Variants in SPAG6 observed in about 807,000 individuals in gnomAD.
SPAG6 encodes the protein sperm associated antigen 6, also known as sperm-associated antigen 6.
In SPAG6, 49 loss-of-function variants were observed where a neutral mutation model predicts 58.5. That is an observed-to-expected ratio of 0.84 (90% CI 0.67 to 1.06). The LOEUF is 1.06. SPAG6 is among the 50% of genes least tolerant of loss of function. The pLI is 0.00. For synonymous variants in SPAG6, 233 were observed against 225.6 expected (o/e 1.03, Z -0.29); for missense variants, 560 against 611.3 (o/e 0.92, Z 0.89).
chr10:22,345,928 A>T lies in SPAG6; in HGVS notation c.121+110A>T. ...TGGGGAGCCGCAGTGTGGGGACCGG[A>T]GTTCGCAAAAGCATCCATTCTTTTC... On this transcript the variant is annotated intron_variant, in intron 2 of 10. Transcript: ENST00000376624. This position sits in a 1 kb window ranked among gnomAD's most constrained non-coding sequence, Gnocchi z 6.3. 1 of 1,566,450 alleles carries T rather than the reference A, an allele frequency of 6.4e-7. No individual in the cohort carries two copies. The highest frequency in any genetic ancestry group is 8.6e-7 in the Non-Finnish European group (1 of 1,156,088).
intron 9 of SPAG6, among the ~76,000 whole-genome samples, chr10:22,403,986 G>A (rs1414088817): frequency 6.8e-6 from 1 of 148,136 alleles, no homozygotes; most frequent in Non-Finnish European, 1.5e-5. Context: ...GGGGTTGTTT[G>A]TTTTTTTCTT....
intron 8 of SPAG6, among the ~76,000 whole-genome samples, chr10:22,393,238 C>T (rs1377662842): frequency 6.6e-6 from 1 of 151,970 alleles, no homozygotes; most frequent in Non-Finnish European, 1.5e-5. Context: ...TTGTTTTTCT[C>T]CTCCTCCTTT....
In SPAG6 at chr10:22,364,913, C is replaced by A; in HGVS notation, c.182C>A (p.Ala61Asp). 6.2e-7 allele frequency: 1 copy of A among 1,613,384 alleles called. No homozygotes were observed. Among genetic ancestry groups the A allele is most frequent in the Non-Finnish European group, 8.5e-7 (1 of 1,179,500 alleles). The change falls in exon 3 of 11, where the codon GCT becomes GAT. Residue 61 changes from alanine (A) to aspartate (D), a missense_variant. Ala to Asp is a moderately radical substitution (Grantham distance 126, BLOSUM62 -2). Transcript: ENST00000376624. Reference protein sequence around the residue: ...LDVVPTIQQTAALALGRLANY... With the variant: ...LDVVPTIQQTDALALGRLANY... ...GTGGTCCCAACAATTCAACAGACTG[C>A]TGCTTTGGCTCTTGGGAGACTGGCC...
chr10:22,374,600 T>C (rs1341748392), intron 4 of SPAG6, among the ~76,000 whole-genome samples: 2 of 135,228 alleles, frequency 1.5e-5, no homozygotes, highest in Non-Finnish European at 3.1e-5. Context: ...AAACCCTGTA[T>C]GTAAAAAAAA....
chr10:22,407,505 C>G (rs982085950), intron 9 of SPAG6, among the ~76,000 whole-genome samples: 12 of 152,220 alleles, frequency 7.9e-5, no homozygotes, highest in Admixed American at 7.9e-4. Context: ...GCCGAGAGAT[C>G]AGCTGTTAGT....
intron 3 of SPAG6, among the ~76,000 whole-genome samples, chr10:22,367,904 A>T (rs1433701483): frequency 6.6e-6 from 1 of 152,176 alleles, no homozygotes; most frequent in Non-Finnish European, 1.5e-5. Flanking sequence ...TGTTTGGCTG[A>T]TTTATTTGCC....
intron 9 of SPAG6, among the ~76,000 whole-genome samples, chr10:22,409,405 T>A (rs1834665183): frequency 6.6e-6 from 1 of 152,248 alleles, no homozygotes; most frequent in Admixed American, 6.5e-5. Flanking sequence ...TTTGTGGTTT[T>A]AATTATTTGT....
chr10:22,354,547 A>G (rs768920649), intron 2 of SPAG6, among the ~76,000 whole-genome samples: 6 of 152,346 alleles, frequency 3.9e-5, no homozygotes, highest in Non-Finnish European at 8.8e-5. Context: ...TGTTAATTTG[A>G]AAACTATATT....
intron 2 of SPAG6, among the ~76,000 whole-genome samples, chr10:22,353,886 T>C (rs1044016039): frequency 2.6e-5 from 4 of 152,112 alleles, no homozygotes; most frequent in Non-Finnish European, 4.4e-5. Context: ...CCAGATAAAA[T>C]GGCATTCAGG....
At chr10:22,346,023 T>A in intron 2 of SPAG6, 2 of 1,544,348 alleles carry the variant, frequency 1.3e-6, no homozygotes, top group South Asian at 2.4e-5. Context: ...GCGTTGTCCC[T>A]GTTTCCATCT....
chr10:22,413,066 C>CAAAAAAA (rs775680159), intron 10 of SPAG6: 10 of 43,304 alleles, frequency 2.3e-4, no homozygotes, highest in South Asian at 9.7e-4. Flanking sequence ...CAGAAAGATG[C>CAAAAAAA]AAAAAAAAAA....
At chr10:22,349,465 T>C (rs986542905) in intron 2 of SPAG6, among the ~76,000 whole-genome samples, 11 of 152,188 alleles carry the variant, frequency 7.2e-5, no homozygotes, top group Admixed American at 1.3e-4. Flanking sequence ...ATTTCAGCAA[T>C]TGGAGGTGTT....
chr10:22,412,250 T>C (rs1342085950), intron 10 of SPAG6, among the ~76,000 whole-genome samples: 1 of 152,234 alleles, frequency 6.6e-6, no homozygotes, highest in Non-Finnish European at 1.5e-5. Context: ...TTTTCTTTGA[T>C]TAATATTGGA....
In SPAG6 at chr10:22,378,422, T is replaced by G. The variant is rs537575885; in HGVS notation, c.473-8332T>G. 7.2e-5 allele frequency among the ~76,000 whole-genome samples: 11 copies of G among 151,810 alleles called. No homozygotes were observed. In the South Asian group the frequency reaches 2.1e-3, roughly 29 times the overall value. On this transcript the variant is annotated intron_variant, in intron 4 of 10. Transcript: ENST00000376624. ...TAGTGGTGAAGTCTGGGCAGGTTTT[T>G]TTTTTTTTTTTTTAAGCAAAATGCA...
intron 2 of SPAG6, chr10:22,361,053 G>A: frequency 4.3e-6 from 2 of 468,912 alleles, no homozygotes; most frequent in Non-Finnish European, 3.8e-6. Context: ...AAGCACATGG[G>A]GACTGATAAT....
At chr10:22,360,981 A>G in intron 2 of SPAG6, 1 of 664,294 alleles carries the variant, frequency 1.5e-6, no homozygotes, top group Admixed American at 2.4e-5. Context: ...TGTAGTTAGA[A>G]TAACAAAGTC....
At chr10:22,375,167 T>G (rs1167632203) in intron 4 of SPAG6, among the ~76,000 whole-genome samples, 2 of 152,250 alleles carry the variant, frequency 1.3e-5, no homozygotes, top group Admixed American at 6.5e-5. Context: ...ACTTAGTTTG[T>G]TTTCCAGTCA....
intron 9 of SPAG6, among the ~76,000 whole-genome samples, chr10:22,406,898 T>C (rs1834571956): frequency 6.6e-6 from 1 of 151,690 alleles, no homozygotes; most frequent in South Asian, 2.1e-4. Context: ...GTAATGGCCT[T>C]CTTTGTCTCT....
chr10:22,364,188 T>C (rs1837127389), intron 2 of SPAG6, among the ~76,000 whole-genome samples: 1 of 152,222 alleles, frequency 6.6e-6, no homozygotes, highest in Admixed American at 6.5e-5. Flanking sequence ...GCCTCAATTT[T>C]CTCATCTGTA....
Sources: allele counts gnomAD v4.1 joint callset (sites outside exome capture counted in the v4.1 genomes callset), GRCh38; gene constraint gnomAD v4.1.1; non-coding constraint Gnocchi (gnomAD v3.1); transcripts MANE v1.5; gene names NCBI Gene and HGNC (gene_info 2026-07-23, HGNC 2026-07-21).